The following KDM4B variants were observed in gnomAD, a reference collection of about 807,000 sequenced individuals.
The protein encoded by KDM4B is lysine-specific demethylase 4B.
Under a neutral mutation model 125.2 loss-of-function variants are expected in KDM4B, and 32 were observed. That is an observed-to-expected ratio of 0.26 (90% CI 0.19 to 0.34). KDM4B has a LOEUF of 0.34. Ranked by LOEUF, KDM4B falls within the 10% of genes least tolerant of loss-of-function variation. The probability of loss-of-function intolerance (pLI) is 1.00; values close to 1 mark genes in which losing one functional copy is unlikely to be tolerated. For synonymous variants in KDM4B, 721 were observed against 677.9 expected, an observed-to-expected ratio of 1.06 and a Z score of -0.99; for missense variants, 1,190 against 1,577.7, an observed-to-expected ratio of 0.75 and a Z score of 4.16.
intron 1 of KDM4B, among the ~76,000 whole-genome samples, chr19:4,974,394 T>TC (rs2034370839): frequency 6.6e-6 from 1 of 151,686 alleles, no homozygotes; most frequent in African/African-American, 2.4e-5. Context: ...AGAGCGAGAC[T>TC]CCATCTCAAA....
rs1338885159 is a variant in KDM4B at position 5,141,427 on chromosome 19, G to C, written c.2551-2540G>C. The C allele has an allele frequency of 6.6e-6, 1 of 152,230 alleles. No homozygotes were observed. Among genetic ancestry groups the C allele is most frequent in the Admixed American group, 6.5e-5 (1 of 15,280 alleles). 9.4% of individuals were successfully genotyped at this position (152,230 alleles called of 1,614,324 possible). A position where few individuals can be genotyped will look rare whatever the true frequency, so the allele number is the denominator to read the frequency against. ...AAGTCCTCCTGCCCGACGCCTTATG[G>C]ATCATCTGACATTTCCAGAACGCAG... On this transcript the variant is annotated intron_variant, in intron 18 of 22. Coordinates refer to ENST00000159111, the MANE Select transcript of KDM4B (RefSeq NM_015015.3). The surrounding 1 kb of genome is among the most constrained non-coding windows in gnomAD (Gnocchi z 6.4).
intron 5 of KDM4B, among the ~76,000 whole-genome samples, chr19:5,046,038 C>T (rs796789946): frequency 4.6e-5 from 7 of 152,312 alleles, no homozygotes; most frequent in East Asian, 3.9e-4. Flanking sequence ...CTTTCTCTTA[C>T]GGATCCTGCC....
intron 5 of KDM4B, among the ~76,000 whole-genome samples, chr19:5,043,096 C>A (rs1170945682): frequency 6.6e-6 from 1 of 151,478 alleles, no homozygotes; most frequent in Non-Finnish European, 1.5e-5. Context: ...GCGGGGGTGT[C>A]CCCCTTATCC....
intron 9 of KDM4B, among the ~76,000 whole-genome samples, chr19:5,099,377 T>C (rs1215824758): frequency 6.6e-6 from 1 of 152,306 alleles, no homozygotes; most frequent in East Asian, 1.9e-4. Context: ...CCAGGGCTTA[T>C]ATACCATAGG....
chr19:5,150,841 C>A (rs1248391952), intron 22 of KDM4B, among the ~76,000 whole-genome samples: 2 of 152,198 alleles, frequency 1.3e-5, no homozygotes, highest in African/African-American at 4.8e-5. Flanking sequence ...TACGGGCACC[C>A]CAGTTGTCGG....
chr19:5,125,252 A>G (rs1437857944), intron 11 of KDM4B, among the ~76,000 whole-genome samples: 1 of 151,402 alleles, frequency 6.6e-6, no homozygotes, highest in Admixed American at 6.6e-5. Context: ...CGAGACAGCC[A>G]CACCCTCCCC....
chr19:4,993,332 C>A (rs1393078436), intron 1 of KDM4B, among the ~76,000 whole-genome samples: 2 of 152,010 alleles, frequency 1.3e-5, no homozygotes, highest in Non-Finnish European at 2.9e-5. Context: ...TCGCTTGAAC[C>A]CGGGAGGCAG....
chr19:5,118,776 A>C (rs774021838), intron 10 of KDM4B, among the ~76,000 whole-genome samples: 11 of 152,206 alleles, frequency 7.2e-5, no homozygotes, highest in African/African-American at 1.7e-4. Context: ...TGTAAGCCTC[A>C]GGTTGAATCC....
At chr19:4,994,344 G>A (rs899086188) in intron 1 of KDM4B, among the ~76,000 whole-genome samples, 4 of 151,788 alleles carry the variant, frequency 2.6e-5, no homozygotes, top group African/African-American at 9.7e-5. Flanking sequence ...GGCCGAGGCG[G>A]GTGGATCACC....
At chr19:5,059,043 C>T (rs926856418) in intron 6 of KDM4B, among the ~76,000 whole-genome samples, 2 of 152,236 alleles carry the variant, frequency 1.3e-5, no homozygotes, top group Admixed American at 1.3e-4. Flanking sequence ...GCGGGTCCCT[C>T]CCACTGCAGC....
At chr19:5,091,320 C>T (rs1312829575) in intron 9 of KDM4B, among the ~76,000 whole-genome samples, 3 of 152,174 alleles carry the variant, frequency 2.0e-5, no homozygotes, top group Non-Finnish European at 2.9e-5. Flanking sequence ...TGGGGAGCCA[C>T]TCACGCTCTC....
At chr19:5,146,519 G>A (rs185125328) in intron 21 of KDM4B, among the ~76,000 whole-genome samples, 22 of 152,356 alleles carry the variant, frequency 1.4e-4, no homozygotes, top group African/African-American at 5.1e-4. Context: ...CTTCCTGATT[G>A]TGTTAGGCTT....
intron 9 of KDM4B, among the ~76,000 whole-genome samples, chr19:5,098,452 A>T (rs1385894390): frequency 6.6e-6 from 1 of 151,990 alleles, no homozygotes; most frequent in Non-Finnish European, 1.5e-5. Flanking sequence ...GGTGACTGGC[A>T]GGTCTTGCTT....
chr19:4,984,521 G>T (rs182051018), intron 1 of KDM4B, among the ~76,000 whole-genome samples: 8 of 152,146 alleles, frequency 5.3e-5, no homozygotes, highest in Non-Finnish European at 7.3e-5. Flanking sequence ...AGCTGGACCC[G>T]AGGCAGCGTT....
chr19:5,133,190 A>G (rs987043606), intron 13 of KDM4B, among the ~76,000 whole-genome samples: 6 of 152,184 alleles, frequency 3.9e-5, no homozygotes, highest in Non-Finnish European at 7.4e-5. Context: ...GCAGCTGGCA[A>G]TGGAGGCCAT....
At position 5,151,317 on chromosome 19, in the gene KDM4B, G is replaced by A; in HGVS notation, c.3115-18G>A. 6.6e-7 allele frequency: 1 copy of A among 1,510,956 alleles called. No individual in the cohort carries two copies. Among genetic ancestry groups the A allele is most frequent in the Non-Finnish European group, 8.9e-7 (1 of 1,126,546 alleles). The allele number at this position is 1,510,956 out of a possible 1,614,324, so 93.6% of individuals were successfully genotyped here. A position where few individuals can be genotyped will look rare whatever the true frequency, so the allele number is the denominator to read the frequency against. ...GTGTCTCCACCGTGCTAACCACTGT[G>A]CTTCCGCTCTCCCGCAGTCACTGAG... On this transcript the variant is annotated intron_variant, in intron 22 of 22. Transcript: ENST00000159111.
At chr19:5,128,755 A>AG (rs35531266) in intron 11 of KDM4B, among the ~76,000 whole-genome samples, 87,867 of 149,870 alleles carry the variant, frequency 0.59, 25,697 homozygotes, top group East Asian at 0.66. Context: ...TGGCATCGGC[A>AG]GGGAAAAAGT....
At chr19:5,077,164 T>C (rs1308032258) in intron 7 of KDM4B, 1 of 599,544 alleles carries the variant, frequency 1.7e-6, no homozygotes, top group Non-Finnish European at 3.0e-6. Context: ...CAGGGCACTA[T>C]GGGGCGGCTC....
At chr19:5,048,661 A>C (rs543163075) in intron 6 of KDM4B, among the ~76,000 whole-genome samples, 10 of 152,150 alleles carry the variant, frequency 6.6e-5, no homozygotes, top group Non-Finnish European at 1.2e-4. Context: ...ATGAGCAGGA[A>C]GGGGCGAGCT....
Sources: allele counts gnomAD v4.1 joint callset (sites outside exome capture counted in the v4.1 genomes callset), GRCh38; gene constraint gnomAD v4.1.1; non-coding constraint Gnocchi (gnomAD v3.1); transcripts MANE v1.5; gene names NCBI Gene and HGNC (gene_info 2026-07-23, HGNC 2026-07-21).